SOS1: variants seen among roughly 807,000 people sequenced by gnomAD.
The protein encoded by SOS1 is SOS Ras/Rac guanine nucleotide exchange factor 1, also known as son of sevenless homolog 1.
In SOS1, 25 loss-of-function variants were observed where a neutral mutation model predicts 157.6. The observed-to-expected ratio is 0.16, with a 90% CI of 0.12 to 0.22. The LOEUF (loss-of-function observed/expected upper bound fraction) is 0.22. SOS1 is among the 10% of genes least tolerant of loss of function. SOS1 has a pLI of 1.00. For missense variants in SOS1, 1,237 were observed against 1,599.1 expected (o/e 0.77, Z 3.86); for synonymous variants, 528 against 534.0 (o/e 0.99, Z 0.16).
intron 2 of SOS1, among the ~76,000 whole-genome samples, chr2:39,059,637 C>CA (rs1269300469): frequency 1.3e-5 from 2 of 151,982 alleles, no homozygotes; most frequent in African/African-American, 2.4e-5. Flanking sequence ...TGAAATTAAA[C>CA]ATCATCATAA....
At chr2:38,991,838 G>A (rs1046343107) in intron 20 of SOS1, among the ~76,000 whole-genome samples, 2 of 151,348 alleles carry the variant, frequency 1.3e-5, no homozygotes, top group African/African-American at 4.9e-5. Flanking sequence ...ACGTGTAAGT[G>A]TTTAGCAAGG....
intron 17 of SOS1, among the ~76,000 whole-genome samples, chr2:39,001,256 T>C (rs1669088750): frequency 6.6e-6 from 1 of 152,132 alleles, no homozygotes; most frequent in Admixed American, 6.5e-5. Context: ...AGGGATGGGG[T>C]TTTGCCATGT....
At chr2:39,096,154 G>A (rs1672758220) in intron 1 of SOS1, among the ~76,000 whole-genome samples, 1 of 152,166 alleles carries the variant, frequency 6.6e-6, no homozygotes, top group African/African-American at 2.4e-5. Flanking sequence ...ACAGGGGAAA[G>A]CAAGACTTTC....
At chr2:39,048,935 CTTT>C (rs1223693453) in intron 6 of SOS1, among the ~76,000 whole-genome samples, 2 of 151,974 alleles carry the variant, frequency 1.3e-5, no homozygotes, top group Admixed American at 1.3e-4. Flanking sequence ...CCTTATTACT[CTTT>C]TTTGAGATGG....
At chr2:39,058,226 T>C (rs1398530193) in intron 3 of SOS1, among the ~76,000 whole-genome samples, 2 of 152,050 alleles carry the variant, frequency 1.3e-5, no homozygotes, top group African/African-American at 4.8e-5. Context: ...ATTTACATGA[T>C]AAGTAGGACT....
chr2:39,078,275 A>C (rs1364736349), intron 1 of SOS1, among the ~76,000 whole-genome samples: 1 of 152,196 alleles, frequency 6.6e-6, no homozygotes, highest in Non-Finnish European at 1.5e-5. Flanking sequence ...TACTATTTTG[A>C]CAAAAATTCT....
chr2:39,083,973 G>A (rs1261660716), intron 1 of SOS1, among the ~76,000 whole-genome samples: 1 of 152,094 alleles, frequency 6.6e-6, no homozygotes. Flanking sequence ...AGGTCATTAG[G>A]GTAGGCCTGA....
intron 5 of SOS1, among the ~76,000 whole-genome samples, chr2:39,053,898 TGACTA>T (rs761820048): frequency 1.2e-4 from 18 of 152,124 alleles, no homozygotes; most frequent in Non-Finnish European, 1.8e-4. Flanking sequence ...ATCTCTGTCT[TGACTA>T]GACTAAACTT....
rs1170745209 is a variant in SOS1, at chr2:39,120,251, T to A, written c.87+85A>T. ...GCGAGACCGGGAAGAAAGACGGCCC[T>A]GCGCGCGCCCCGCCTCCCCAGCCCT... On this transcript the variant is annotated intron_variant, in intron 1 of 22. Coordinates refer to ENST00000402219, the MANE Select transcript of SOS1 (RefSeq NM_005633.4). The A allele has an allele frequency of 3.2e-6, 4 of 1,236,914 alleles. No homozygotes were observed. The African/African-American group carries it at 6.3e-5, about 20-fold the overall frequency. The allele number at this position is 1,236,914 out of a possible 1,614,324, so 76.6% of individuals were successfully genotyped here.
chr2:39,039,183 T>C (rs1200070570), intron 6 of SOS1, among the ~76,000 whole-genome samples: 1 of 152,264 alleles, frequency 6.6e-6, no homozygotes, highest in Non-Finnish European at 1.5e-5. Flanking sequence ...CACAGGATAG[T>C]GTAAACATAA....
At chr2:39,062,435 T>TAAAA (rs397974197) in intron 2 of SOS1, among the ~76,000 whole-genome samples, 42 of 138,386 alleles carry the variant, frequency 3.0e-4, no homozygotes, top group East Asian at 6.2e-4. Flanking sequence ...AAAAAAAAAT[T>TAAAA]AAAAAAAAAA....
chr2:39,104,737 A>T (rs1396879806), intron 1 of SOS1, among the ~76,000 whole-genome samples: 1 of 152,266 alleles, frequency 6.6e-6, no homozygotes, highest in East Asian at 1.9e-4. Context: ...AGCATTAAAA[A>T]GGAATGAAAT....
chr2:39,091,651 T>C (rs1031062696), intron 1 of SOS1, among the ~76,000 whole-genome samples: 1 of 151,814 alleles, frequency 6.6e-6, no homozygotes, highest in African/African-American at 2.4e-5. Context: ...ATTCTTTGCC[T>C]TTCAGAGGCA....
rs1666059043 is a variant in SOS1, at chr2:39,012,480, G to GA, written c.2168-133dup. 3.3e-5 allele frequency: 12 copies of GA among 361,332 alleles called. No homozygotes were observed. In the Admixed American group the frequency reaches 5.3e-4, roughly 16 times the overall value. The allele number at this position is 361,332 out of a possible 1,614,324, so 22.4% of individuals were successfully genotyped here. On this transcript the variant is annotated intron_variant, in intron 13 of 22. Coordinates refer to ENST00000402219, the MANE Select transcript of SOS1 (RefSeq NM_005633.4). ...TATAAAAAGTTCAAATGATCAAAAT[G>GA]AAAAATGCAAGTTCTCCTTTTCCAT... is the stretch of plus-strand genomic sequence containing the variant.
At position 39,031,137 on chromosome 2, in the gene SOS1, G is replaced by A. The variant is rs181669741; in HGVS notation, c.1074+4075C>T. Among the ~76,000 whole-genome samples, 23 of 152,274 alleles carry A rather than the reference G, an allele frequency of 1.5e-4. No homozygotes were observed. In the East Asian group the frequency reaches 2.1e-3, roughly 14 times the overall value. ...CTGTTGTTTATAAGCCTCTGACTTC[G>A]TGGTACTTTGCTGTGGCAGCCTTAG... On this transcript the variant is annotated intron_variant, in intron 8 of 22. Coordinates refer to ENST00000402219, the MANE Select transcript of SOS1 (RefSeq NM_005633.4).
At chr2:39,014,635 GATTTT>G in intron 11 of SOS1, 125 bp downstream of exon 11, 1 of 514,320 alleles carries the variant, frequency 1.9e-6, no homozygotes, top group Non-Finnish European at 3.5e-6. Context: ...TCATCTAAGA[GATTTT>G]ATTTATTGAA....
intron 10 of SOS1, among the ~76,000 whole-genome samples, chr2:39,021,509 T>C (rs1369816238): frequency 7.1e-6 from 1 of 140,578 alleles, no homozygotes; most frequent in Non-Finnish European, 1.5e-5. Context: ...GTAAGTCTTC[T>C]TACAATGCTC....
At chr2:38,990,171 T>G (rs748825678) in intron 20 of SOS1, among the ~76,000 whole-genome samples, 4 of 133,090 alleles carry the variant, frequency 3.0e-5, no homozygotes, top group Non-Finnish European at 5.0e-5. Context: ...TCAGATTTCG[T>G]TTTTTTTTTT....
chr2:39,103,924 C>A (rs1440405848), intron 1 of SOS1, among the ~76,000 whole-genome samples: 1 of 152,074 alleles, frequency 6.6e-6, no homozygotes, highest in Non-Finnish European at 1.5e-5. Flanking sequence ...GGTCTAATAT[C>A]AAGAATATAT....
Sources: gnomAD v4.1 joint callset for allele counts (sites outside exome capture counted in the v4.1 genomes callset) on GRCh38, gnomAD v4.1.1 for gene constraint, MANE v1.5 for transcripts, NCBI Gene and HGNC (gene_info 2026-07-23, HGNC 2026-07-21) for gene names.